Variants in ASAP1 observed in about 807,000 individuals in gnomAD.
The protein encoded by ASAP1 is ArfGAP with SH3 domain, ankyrin repeat and PH domain 1.
Under a neutral mutation model 145.2 loss-of-function variants are expected in ASAP1, and 43 were observed. The observed-to-expected ratio is 0.30, with a 90% CI of 0.23 to 0.38. The LOEUF (loss-of-function observed/expected upper bound fraction) is 0.38, where lower values mean the gene tolerates loss of function less well. Among genes scored for constraint, ASAP1 ranks in the 10% least tolerant of loss-of-function variants. ASAP1 has a pLI of 1.00. For missense variants in ASAP1, 1,018 were observed against 1,355.3 expected (o/e 0.75, Z 3.91); for synonymous variants, 546 against 515.5 (o/e 1.06, Z -0.80).
At chr8:130,210,712 T>C (rs553220315) in intron 5 of ASAP1, among the ~76,000 whole-genome samples, 1 of 152,318 alleles carries the variant, frequency 6.6e-6, no homozygotes, top group African/African-American at 2.4e-5. Context: ...AAACAAGGCA[T>C]AATCTGTAGC....
intron 13 of ASAP1, among the ~76,000 whole-genome samples, chr8:130,142,298 A>C (rs1181876692): frequency 3.9e-5 from 6 of 152,198 alleles, no homozygotes; most frequent in Non-Finnish European, 7.3e-5. Context: ...CCAGCACACA[A>C]GAACATTTCC....
intron 1 of ASAP1, among the ~76,000 whole-genome samples, chr8:130,409,209 C>A (rs1225444475): frequency 6.6e-6 from 1 of 151,934 alleles, no homozygotes; most frequent in African/African-American, 2.4e-5. Context: ...TTGTAGTGAG[C>A]CGAGATTGCG....
At chr8:130,398,088 T>C (rs1289042801) in intron 2 of ASAP1, among the ~76,000 whole-genome samples, 3 of 152,228 alleles carry the variant, frequency 2.0e-5, no homozygotes, top group Admixed American at 2.0e-4. Context: ...GAGTGTAGGT[T>C]TCACTCATGT....
chr8:130,401,896 T>A lies in ASAP1; in HGVS notation c.48A>T (p.Ser16=), dbSNP rs770998698. The change falls in exon 2 of 30, where the codon TCA becomes TCT. Residue 16 remains serine (S), a synonymous_variant. Transcript: ENST00000518721. The stretch of plus-strand genomic sequence containing the variant: ...TAGAGATCACTCACCGATTCCATAG[T>A]GAATCTCTCGACGAAAAACTGGAGA... ...SRLSSFSSRD[S]LWNRMPDQIS... The A allele has an allele frequency of 6.2e-6, 10 of 1,613,652 alleles. No individual in the cohort carries two copies. Among genetic ancestry groups the A allele is most frequent in the Non-Finnish European group, 8.5e-6 (10 of 1,179,900 alleles).
chr8:130,239,967 C>T (rs772648491), intron 3 of ASAP1, among the ~76,000 whole-genome samples: 5 of 152,004 alleles, frequency 3.3e-5, no homozygotes, highest in African/African-American at 7.2e-5. Flanking sequence ...AAGAAAGAAA[C>T]AAAGATCTGC....
chr8:130,197,025 T>C lies in ASAP1; in HGVS notation c.406-8842A>G, dbSNP rs563464599. On this transcript the variant is annotated intron_variant, in intron 5 of 29. Transcript: ENST00000518721. Reference sequence around the variant, plus strand: ...CAGAGCAAAGAATCCCAGAGGCATGTGGCCACTCATCACTCCCGGCCTGCG... The same window carrying C: ...CAGAGCAAAGAATCCCAGAGGCATGCGGCCACTCATCACTCCCGGCCTGCG... Among the ~76,000 whole-genome samples the C allele has an allele frequency of 2.6e-5, 4 of 152,372 alleles. No individual in the cohort carries two copies. In the East Asian group the frequency reaches 7.7e-4, roughly 29 times the overall value.
At chr8:130,137,841 G>C (rs915712875) in intron 13 of ASAP1, among the ~76,000 whole-genome samples, 1 of 152,184 alleles carries the variant, frequency 6.6e-6, no homozygotes, top group African/African-American at 2.4e-5. Flanking sequence ...ACACTCTCCT[G>C]CCTGCCCATG....
chr8:130,072,792 T>TGTGTGTGC (rs1212034733), intron 27 of ASAP1, among the ~76,000 whole-genome samples: 1 of 20,760 alleles, frequency 4.8e-5, no homozygotes, highest in Admixed American at 7.2e-4. Context: ...TTGCAATTGA[T>TGTGTGTGC]ATGTGTGTGT....
Position 130,054,537 on chromosome 8 carries a change from C to A in ASAP1, c.*194G>T. 5.9e-6 allele frequency: 3 copies of A among 511,174 alleles called. No homozygotes were observed. Among genetic ancestry groups the A allele is most frequent in the Non-Finnish European group, 1.1e-5 (3 of 277,792 alleles). The allele number at this position is 511,174 out of a possible 1,614,324, so 31.7% of individuals were successfully genotyped here. ...GCAAACCAGTAAGGCGCGCCGGGTC[C>A]GAGGCTACCCTCATACTGGTGAAGG... is the stretch of plus-strand genomic sequence containing the variant. On this transcript the variant is annotated 3_prime_UTR_variant, in exon 30 of 30. Transcript: ENST00000518721.
chr8:130,339,351 T>C (rs1002371408), intron 3 of ASAP1, among the ~76,000 whole-genome samples: 1 of 152,242 alleles, frequency 6.6e-6, no homozygotes, highest in Non-Finnish European at 1.5e-5. Context: ...AAGACCATGC[T>C]GTGGAAGAGG....
At chr8:130,202,181 G>C (rs1302996617) in intron 5 of ASAP1, among the ~76,000 whole-genome samples, 1 of 152,048 alleles carries the variant, frequency 6.6e-6, no homozygotes, top group Non-Finnish European at 1.5e-5. Flanking sequence ...CACCTAAATG[G>C]TAACTGTGAT....
At chr8:130,423,883 G>A (rs1158768611) in intron 1 of ASAP1, among the ~76,000 whole-genome samples, 1 of 152,000 alleles carries the variant, frequency 6.6e-6, no homozygotes, top group African/African-American at 2.4e-5. Flanking sequence ...TACTTTAAAG[G>A]TTATCTAGGG....
At chr8:130,412,657 CTT>C (rs879795514) in intron 1 of ASAP1, among the ~76,000 whole-genome samples, 6 of 145,682 alleles carry the variant, frequency 4.1e-5, no homozygotes, top group Non-Finnish European at 3.0e-5. Flanking sequence ...TTCTTTTCTT[CTT>C]TTTTTTTTTT....
chr8:130,352,543 A>G (rs1321586120), intron 3 of ASAP1, among the ~76,000 whole-genome samples: 4 of 152,234 alleles, frequency 2.6e-5, no homozygotes, highest in Non-Finnish European at 5.9e-5. Flanking sequence ...AAGGTGAGGG[A>G]ACACACACAG....
intron 4 of ASAP1, among the ~76,000 whole-genome samples, chr8:130,227,049 C>T (rs1425087912): frequency 1.3e-5 from 2 of 152,156 alleles, no homozygotes; most frequent in African/African-American, 2.4e-5. Context: ...TTTCATCAAG[C>T]ACCTACAATG....
rs773661208 is a variant in ASAP1 at position 130,112,090 on chromosome 8, A to G, written c.2401+4T>C. ...GAGTCACAAGCCCTTCTCAAAGCCC[A>G]TACCTTTCCCGGCGTTCCTAGGAGG... On this transcript the variant is annotated splice_donor_region_variant and intron_variant, in intron 24 of 29. Coordinates refer to ENST00000518721, the MANE Select transcript of ASAP1 (RefSeq NM_018482.4). 6.2e-6 allele frequency: 10 copies of G among 1,612,676 alleles called. No homozygotes were observed. Among genetic ancestry groups the G allele is most frequent in the Non-Finnish European group, 8.5e-6 (10 of 1,178,918 alleles).
At chr8:130,277,482 T>G (rs976792283) in intron 3 of ASAP1, among the ~76,000 whole-genome samples, 1 of 152,192 alleles carries the variant, frequency 6.6e-6, no homozygotes, top group African/African-American at 2.4e-5. Context: ...TTTTACCACA[T>G]GAAAAATGTT....
chr8:130,364,217 T>C (rs773097526), intron 2 of ASAP1, among the ~76,000 whole-genome samples: 3 of 152,134 alleles, frequency 2.0e-5, no homozygotes, highest in Non-Finnish European at 4.4e-5. Context: ...CTGATGGAAG[T>C]AGGAAGAAAA....
chr8:130,095,995 G>A (rs768751940), intron 24 of ASAP1, among the ~76,000 whole-genome samples: 9 of 152,188 alleles, frequency 5.9e-5, no homozygotes, highest in Non-Finnish European at 8.8e-5. Flanking sequence ...GAATTAGCAG[G>A]AGGGAACAGT....
Sources: gnomAD v4.1 joint callset for allele counts (sites outside exome capture counted in the v4.1 genomes callset) on GRCh38, gnomAD v4.1.1 for gene constraint, MANE v1.5 for transcripts, NCBI Gene and HGNC (gene_info 2026-07-23, HGNC 2026-07-21) for gene names.